The following RTN4RL1 variants were observed in gnomAD, a reference collection of about 807,000 sequenced individuals.
RTN4RL1 encodes the protein reticulon 4 receptor like 1.
A neutral mutation model predicts 25.6 loss-of-function variants in RTN4RL1; 7 were observed. That is an observed-to-expected ratio of 0.27 (90% CI 0.16 to 0.51). RTN4RL1 has a LOEUF of 0.51. Ranked by LOEUF, RTN4RL1 falls within the 20% of genes least tolerant of loss-of-function variation. The pLI is 0.97. For synonymous variants in RTN4RL1, 297 were observed against 288.2 expected, an observed-to-expected ratio of 1.03 and a Z score of -0.31; for missense variants, 500 against 615.6, an observed-to-expected ratio of 0.81 and a Z score of 1.99.
chr17:1,999,680 C>CCCACACACACACGCACAGG (rs1555520518), intron 1 of RTN4RL1, among the ~76,000 whole-genome samples: 2 of 151,480 alleles, frequency 1.3e-5, no homozygotes, highest in African/African-American at 4.8e-5. Flanking sequence ...CATGCCCCCC[C>CCCACACACACACGCACAGG]CACACACACA....
At chr17:2,007,337 A>ACACACACACACACACACACAC (rs1352398594) in intron 1 of RTN4RL1, among the ~76,000 whole-genome samples, 17 of 140,404 alleles carry the variant, frequency 1.2e-4, no homozygotes, top group Admixed American at 3.7e-4. Context: ...TCACAGCCCC[A>ACACACACACACACACACACAC]ACACACACAC....
At chr17:1,939,741 ATCG>A (rs1915402325) in intron 1 of RTN4RL1, among the ~76,000 whole-genome samples, 1 of 152,190 alleles carries the variant, frequency 6.6e-6, no homozygotes. Flanking sequence ...ATTACGGACG[ATCG>A]TCATTACCTA....
At chr17:1,968,962 C>T (rs1172344526) in intron 1 of RTN4RL1, among the ~76,000 whole-genome samples, 1 of 152,006 alleles carries the variant, frequency 6.6e-6, no homozygotes, top group Non-Finnish European at 1.5e-5. Flanking sequence ...CTGCAGCAAC[C>T]AGCCCAGGAA....
intron 1 of RTN4RL1, among the ~76,000 whole-genome samples, chr17:2,002,816 G>C (rs1015592880): frequency 6.6e-6 from 1 of 152,204 alleles, no homozygotes; most frequent in Non-Finnish European, 1.5e-5. Flanking sequence ...GCAGCAGCCA[G>C]GGTCCTCCAT....
rs998894144 is a variant in RTN4RL1 at position 2,025,313 on chromosome 17, G to T, written c.-448C>A. On this transcript the variant is annotated 5_prime_UTR_variant, in exon 1 of 2. Transcript: ENST00000331238. The surrounding 1 kb of genome is among the most constrained non-coding windows in gnomAD (Gnocchi z 4.8). Reference sequence around the variant, plus strand: ...GAGCTCCGGGGAAAGCGCCCGGCGCGCGTTTGCAGGACCGAGCGATCGGCG... The same window carrying T: ...GAGCTCCGGGGAAAGCGCCCGGCGCTCGTTTGCAGGACCGAGCGATCGGCG... The T allele has an allele frequency of 1.4e-4, 21 of 154,432 alleles. No individual in the cohort carries two copies. The highest frequency in any genetic ancestry group is 7.2e-5 in the Non-Finnish European group (5 of 69,704). The allele number at this position is 154,432 out of a possible 1,614,324, so 9.6% of individuals were successfully genotyped here.
chr17:1,999,711 T>G (rs768793436), intron 1 of RTN4RL1, among the ~76,000 whole-genome samples: 2 of 151,918 alleles, frequency 1.3e-5, no homozygotes, highest in African/African-American at 2.4e-5. Context: ...CACACACTCT[T>G]GCGTGCTGAC....
chr17:1,960,926 C>T (rs1350832080), intron 1 of RTN4RL1, among the ~76,000 whole-genome samples: 2 of 152,188 alleles, frequency 1.3e-5, no homozygotes, highest in African/African-American at 2.4e-5. Flanking sequence ...TGTCTCCAGC[C>T]GATGCCCACG....
chr17:2,014,613 C>A (rs1027740960), intron 1 of RTN4RL1, among the ~76,000 whole-genome samples: 1 of 152,286 alleles, frequency 6.6e-6, no homozygotes, highest in East Asian at 1.9e-4. Flanking sequence ...AGGCAGATCA[C>A]CTGAGGTCAG....
At chr17:1,966,054 C>T (rs73976151) in intron 1 of RTN4RL1, among the ~76,000 whole-genome samples, 34 of 152,268 alleles carry the variant, frequency 2.2e-4, no homozygotes, top group African/African-American at 8.2e-4. Context: ...AAGGAAGGAG[C>T]CCAGCCTCCT....
At chr17:1,987,455 G>A (rs142452136) in intron 1 of RTN4RL1, among the ~76,000 whole-genome samples, 54 of 152,256 alleles carry the variant, frequency 3.5e-4, no homozygotes, top group African/African-American at 1.3e-3. Context: ...GCCATGCCAA[G>A]AAGCCAAGAA....
intron 1 of RTN4RL1, among the ~76,000 whole-genome samples, chr17:1,985,340 C>T (rs1197085967): frequency 6.6e-6 from 1 of 152,206 alleles, no homozygotes; most frequent in Admixed American, 6.5e-5. Context: ...CCTTTGGAAC[C>T]TCTTGGGATC....
chr17:1,993,845 T>C (rs564153784), intron 1 of RTN4RL1, among the ~76,000 whole-genome samples: 33 of 152,054 alleles, frequency 2.2e-4, no homozygotes, highest in Non-Finnish European at 3.4e-4. Flanking sequence ...TCAGCCCCTG[T>C]ATTCACAACA....
Position 1,936,501 on chromosome 17 carries a change from G to A in RTN4RL1, c.1321C>T (p.Arg441Cys), listed in dbSNP as rs770088982. 1.4e-5 allele frequency: 22 copies of A among 1,544,068 alleles called. No homozygotes were observed. Among genetic ancestry groups the A allele is most frequent in the South Asian group, 4.8e-5 (4 of 84,150 alleles). The change falls in exon 2 of 2, where the codon CGC becomes TGC. Residue 441 changes from arginine (R) to cysteine (C), a missense_variant. Around this residue, in one of 2 missense-constraint regions of RTN4RL1, gnomAD observed 268 missense variants for 274.5 expected, o/e 0.98. Coordinates refer to ENST00000331238, the MANE Select transcript of RTN4RL1 (RefSeq NM_178568.4). ...GGTGCTGACGCCCTGGGTCCTCAGC[G>A]GAGAGTGACCGCCAGCCCCAGTGTC... ...AWTLGLAVTLR is the reference protein window; with the variant it reads ...AWTLGLAVTLC
Position 1,961,773 on chromosome 17 carries a change from C to CAAAAAAAAAAAAAAAAAA in RTN4RL1, c.14-23983_14-23966dup, listed in dbSNP as rs1163170575. On this transcript the variant is annotated intron_variant, in intron 1 of 1. Coordinates refer to ENST00000331238, the MANE Select transcript of RTN4RL1 (RefSeq NM_178568.4). ...TGAAACCCTGTCTCCACTAAAAATA[C>CAAAAAAAAAAAAAAAAAA]AAAAAAAAAAAAAAAAAAAAAAAAA... Among the ~76,000 whole-genome samples, 49 of 55,588 alleles carry CAAAAAAAAAAAAAAAAAA rather than the reference C, an allele frequency of 8.8e-4. 3 individuals are homozygous for CAAAAAAAAAAAAAAAAAA. Among genetic ancestry groups the CAAAAAAAAAAAAAAAAAA allele is most frequent in the African/African-American group, 1.2e-3 (18 of 14,568 alleles). 36.5% of individuals were successfully genotyped at this position (55,588 alleles called of 152,430 possible).
At chr17:1,962,508 G>C (rs1188479591) in intron 1 of RTN4RL1, among the ~76,000 whole-genome samples, 1 of 151,758 alleles carries the variant, frequency 6.6e-6, no homozygotes, top group Non-Finnish European at 1.5e-5. Flanking sequence ...ACAGGTGCTC[G>C]CCATCACGCC....
intron 1 of RTN4RL1, among the ~76,000 whole-genome samples, chr17:1,996,807 C>G (rs1421148370): frequency 6.6e-6 from 1 of 152,190 alleles, no homozygotes; most frequent in Admixed American, 6.5e-5. Context: ...CTGGGCTGCC[C>G]ACTGTGGAGT....
intron 1 of RTN4RL1, among the ~76,000 whole-genome samples, chr17:1,953,870 AT>A (rs921479864): frequency 1.3e-5 from 2 of 152,054 alleles, no homozygotes. Flanking sequence ...TGGCCATTAA[AT>A]TTTTTTTAAA....
chr17:1,939,681 T>G (rs1325443266), intron 1 of RTN4RL1, among the ~76,000 whole-genome samples: 3 of 152,246 alleles, frequency 2.0e-5, no homozygotes, highest in Admixed American at 6.5e-5. Flanking sequence ...TTCCGATGTG[T>G]CCAGCCTGTG....
chr17:1,956,547 T>A (rs2151308734), intron 1 of RTN4RL1, among the ~76,000 whole-genome samples: 1 of 152,204 alleles, frequency 6.6e-6, no homozygotes, highest in East Asian at 1.9e-4. Flanking sequence ...GGCACGATGT[T>A]TAGAGACTGC....
Sources: allele counts gnomAD v4.1 joint callset (sites outside exome capture counted in the v4.1 genomes callset), GRCh38; gene constraint gnomAD v4.1.1; regional missense constraint gnomAD v4.1.1; non-coding constraint Gnocchi (gnomAD v3.1); transcripts MANE v1.5; gene names NCBI Gene and HGNC (gene_info 2026-07-23, HGNC 2026-07-21).